CDK15: variants seen among roughly 807,000 people sequenced by gnomAD.
CDK15 encodes cyclin dependent kinase 15.
CDK15 carries 62 observed loss-of-function variants against 60.3 expected under a neutral mutation model. That is an observed-to-expected ratio of 1.03 (90% CI 0.84 to 1.27). The LOEUF (loss-of-function observed/expected upper bound fraction) is 1.27. CDK15 is among the 50% of genes most tolerant of loss of function. The probability of loss-of-function intolerance (pLI) is 0.00; values close to 1 mark genes in which losing one functional copy is unlikely to be tolerated. For synonymous variants in CDK15, 194 were observed against 195.7 expected (o/e 0.99, Z 0.07); for missense variants, 541 against 527.8 (o/e 1.03, Z -0.25).
chr2:201,839,981 T>G (rs1159711254), intron 8 of CDK15, among the ~76,000 whole-genome samples: 2 of 96,202 alleles, frequency 2.1e-5, no homozygotes, highest in Non-Finnish European at 2.2e-5. Flanking sequence ...TTTTTGTTTT[T>G]GTTTTTGTTT....
At chr2:201,870,588 A>G (rs1698817099) in intron 10 of CDK15, among the ~76,000 whole-genome samples, 1 of 150,780 alleles carries the variant, frequency 6.6e-6, no homozygotes, top group Non-Finnish European at 1.5e-5. Flanking sequence ...AAAAAAACAG[A>G]CGTGGTGGTG....
intron 4 of CDK15, among the ~76,000 whole-genome samples, chr2:201,817,838 TGTGATC>T (rs1696060400): frequency 6.6e-6 from 1 of 152,254 alleles, no homozygotes; most frequent in Non-Finnish European, 1.5e-5. Flanking sequence ...GATAATGGTA[TGTGATC>T]AGCATTACAA....
In CDK15 at chr2:201,861,313, T is replaced by C. The variant is rs564985134; in HGVS notation, c.1009+6376T>C. On this transcript the variant is annotated intron_variant, in intron 10 of 13. Coordinates refer to ENST00000652192, the MANE Select transcript of CDK15 (RefSeq NM_001366386.2). ...ATCGATGCTGGGTGGAGTAGCCCGA[T>C]TCTACAGATGAGGAAACAGAGGCTT... is the stretch of plus-strand genomic sequence containing the variant. 20 of 989,764 alleles carry C rather than the reference T, an allele frequency of 2.0e-5. No individual in the cohort carries two copies. The South Asian group carries it at 7.4e-4, about 37-fold the overall frequency. 61.3% of individuals were successfully genotyped at this position (989,764 alleles called of 1,614,324 possible).
Position 201,807,865 on chromosome 2 carries a change from G to T in CDK15, c.281G>T (p.Ser94Ile). The T allele has an allele frequency of 1.9e-6, 3 of 1,613,460 alleles. No homozygotes were observed. The highest frequency in any genetic ancestry group is 2.2e-5 in the South Asian group (2 of 90,952). ...DLRQGFQWRK[S>I]LPFGAASSYL... Reference sequence around the variant, plus strand: ...CCCATTCCCCTAGAGCAGAGGAAGAGCCTCCCTTTTGGGGCAGCCTCATCT... The same window carrying T: ...CCCATTCCCCTAGAGCAGAGGAAGATCCTCCCTTTTGGGGCAGCCTCATCT... Residue 94 changes from serine (S) to isoleucine (I), a missense_variant, in exon 3 of 14, where the codon AGC (serine) becomes ATC (isoleucine). By Grantham distance (142) the Ser-to-Ile change is moderately radical. Transcript: ENST00000652192.
At chr2:201,872,527 G>T (rs531478255) in intron 11 of CDK15, among the ~76,000 whole-genome samples, 15 of 152,272 alleles carry the variant, frequency 9.9e-5, no homozygotes, top group African/African-American at 3.6e-4. Context: ...CTTTCAGTGA[G>T]TTTGGTCGTT....
chr2:201,868,934 G>C (rs1421361189), intron 10 of CDK15, among the ~76,000 whole-genome samples: 3 of 152,188 alleles, frequency 2.0e-5, no homozygotes, highest in Admixed American at 2.0e-4. Flanking sequence ...GTTGGTGGGA[G>C]TGTAAACTAG....
At position 201,890,796 on chromosome 2, in the gene CDK15, T is replaced by C. The variant is rs1241837323; in HGVS notation, c.1210T>C (p.Phe404Leu). ...TTTCATTCCTACAGAGGAGTCTTTG[T>C]TTACAGTTTCAGGAGTGAGGCTAAA... Reference protein sequence around the residue: ...LYQLPDEESLFTVSGVRLKPE... With the variant: ...LYQLPDEESLLTVSGVRLKPE... The change falls in exon 13 of 14, where the codon TTT becomes CTT. Residue 404 changes from phenylalanine to leucine, a missense_variant. Physicochemically the swap from Phe to Leu is conservative, Grantham distance 22. Transcript: ENST00000652192. 1.2e-6 allele frequency: 2 copies of C among 1,611,804 alleles called. No homozygotes were observed. The highest frequency in any genetic ancestry group is 8.5e-7 in the Non-Finnish European group (1 of 1,178,682).
intron 1 of CDK15, 74 bp from the exon 2 acceptor site, chr2:201,807,420 G>GAA: frequency 1.4e-6 from 2 of 1,459,670 alleles, no homozygotes; most frequent in Non-Finnish European, 1.9e-6. Context: ...GGCAAATAAA[G>GAA]AAAAAATGGT....
chr2:201,829,053 A>G (rs919695174), intron 6 of CDK15, among the ~76,000 whole-genome samples: 5 of 152,318 alleles, frequency 3.3e-5, no homozygotes, highest in African/African-American at 1.2e-4. Flanking sequence ...TATATTTCAC[A>G]ATATCACAGT....
intron 4 of CDK15, among the ~76,000 whole-genome samples, chr2:201,816,013 T>C (rs1057310969): frequency 6.6e-6 from 1 of 152,204 alleles, no homozygotes; most frequent in Non-Finnish European, 1.5e-5. Flanking sequence ...TATGATGAAT[T>C]TGGAAATGCT....
intron 10 of CDK15, chr2:201,860,632 C>A: frequency 8.9e-7 from 1 of 1,121,046 alleles, no homozygotes. Flanking sequence ...GGCAGGAAAG[C>A]GGTACTAAAA....
At chr2:201,864,570 C>T (rs573201427) in intron 10 of CDK15, among the ~76,000 whole-genome samples, 12 of 152,126 alleles carry the variant, frequency 7.9e-5, no homozygotes, top group Middle Eastern at 3.2e-3. Context: ...CCACCCACCT[C>T]GGCCTTCCAA....
At chr2:201,807,222 G>GA (rs986974145) in intron 1 of CDK15, among the ~76,000 whole-genome samples, 76 of 151,870 alleles carry the variant, frequency 5.0e-4, no homozygotes, top group African/African-American at 1.8e-3. Flanking sequence ...GACTTAAACA[G>GA]AAAAAAGTTG....
At position 201,806,717 on chromosome 2, in the gene CDK15, A is replaced by G. The variant is rs1317925044; in HGVS notation, c.53A>G (p.His18Arg). ...GTACAGCCTGGATGCAGCTGCTACCATTGTTCAGAGGGAGGCGAGGCACAC... is the reference window on the plus strand; with the variant it reads ...GTACAGCCTGGATGCAGCTGCTACCGTTGTTCAGAGGGAGGCGAGGCACAC... ...KTVQPGCSCYHCSEGGEAHSC... is the reference protein window; with the variant it reads ...KTVQPGCSCYRCSEGGEAHSC... Residue 18 changes from histidine (H) to arginine (R), a missense_variant, in exon 1 of 14, where the codon CAT becomes CGT. Physicochemically the swap from His to Arg is conservative, Grantham distance 29. Transcript: ENST00000652192. 1.3e-6 allele frequency: 2 copies of G among 1,598,342 alleles called. No homozygotes were observed. The highest frequency in any genetic ancestry group is 1.1e-5 in the South Asian group (1 of 90,982).
intron 4 of CDK15, among the ~76,000 whole-genome samples, chr2:201,816,685 T>C (rs1027322425): frequency 6.6e-6 from 1 of 152,108 alleles, no homozygotes; most frequent in Non-Finnish European, 1.5e-5. Flanking sequence ...ATGGTAATTC[T>C]GTTTTTGGTT....
At position 201,857,368 on chromosome 2, in the gene CDK15, A is replaced by G. The variant is rs568679715; in HGVS notation, c.1009+2431A>G. Among the ~76,000 whole-genome samples, 11 of 152,148 alleles carry G rather than the reference A, an allele frequency of 7.2e-5. No homozygotes were observed. In the East Asian group the frequency reaches 2.1e-3, roughly 29 times the overall value. ...AAAAGTCTCCAGGCCCAACATCCAT[A>G]GGGCTCATCATCCATTGTTTTTCTT... On this transcript the variant is annotated intron_variant, in intron 10 of 13. Transcript: ENST00000652192.
chr2:201,876,413 C>A, intron 11 of CDK15: 1 of 407,422 alleles, frequency 2.5e-6, no homozygotes, highest in Non-Finnish European at 4.8e-6. Flanking sequence ...GGGCACTTGC[C>A]AAAGGCCCAG....
chr2:201,871,506 C>T (rs1298884783), intron 10 of CDK15, among the ~76,000 whole-genome samples: 4 of 151,288 alleles, frequency 2.6e-5, no homozygotes, highest in Non-Finnish European at 5.9e-5. Context: ...CCTCATTATT[C>T]ATCACATTTC....
intron 9 of CDK15, among the ~76,000 whole-genome samples, chr2:201,854,213 C>G (rs546719762): frequency 1.3e-5 from 2 of 152,258 alleles, no homozygotes; most frequent in African/African-American, 4.8e-5. Context: ...ATAGACCAGC[C>G]CTTTTTCAAG....
Sources: gnomAD v4.1 joint callset for allele counts (sites outside exome capture counted in the v4.1 genomes callset) on GRCh38, gnomAD v4.1.1 for gene constraint, MANE v1.5 for transcripts, NCBI Gene and HGNC (gene_info 2026-07-23, HGNC 2026-07-21) for gene names.